Variants in CFAP221 observed in about 807,000 individuals in gnomAD.
CFAP221 encodes cilia and flagella associated protein 221, also known as cilia- and flagella-associated protein 221.
Under a neutral mutation model 113.1 loss-of-function variants are expected in CFAP221, and 97 were observed. The observed-to-expected ratio is 0.86, with a 90% confidence interval of 0.73 to 1.02. The LOEUF (loss-of-function observed/expected upper bound fraction) is 1.02. Among genes scored for constraint, CFAP221 ranks in the 50% least tolerant of loss-of-function variants. The pLI, the probability that CFAP221 is intolerant of heterozygous loss-of-function variation, is 0.00. For synonymous variants in CFAP221, 331 were observed against 354.4 expected, an observed-to-expected ratio of 0.93 and a Z score of 0.74; for missense variants, 1,025 against 1,013.4, an observed-to-expected ratio of 1.01 and a Z score of -0.16.
chr2:119,611,635 T>G lies in CFAP221; in HGVS notation c.1222-18T>G. The G allele has an allele frequency of 1.9e-6, 3 of 1,585,364 alleles. No homozygotes were observed. The highest frequency in any genetic ancestry group is 2.6e-6 in the Non-Finnish European group (3 of 1,165,826). ...CATTTATATTCAACTTAAATTATTT[T>G]GATGATTAAAAACCCAGCTAGACAG... is the stretch of plus-strand genomic sequence containing the variant. On this transcript the variant is annotated intron_variant, in intron 12 of 23. Coordinates refer to ENST00000413369, the MANE Select transcript of CFAP221 (RefSeq NM_001271049.2).
At chr2:119,587,316 A>T (rs1463111287) in intron 7 of CFAP221, 94 bp downstream of exon 7, 1 of 779,078 alleles carries the variant, frequency 1.3e-6, no homozygotes, top group African/African-American at 1.8e-5. Flanking sequence ...AATTTTACAC[A>T]TAACTGACCT....
At chr2:119,627,929 G>GA in intron 16 of CFAP221, 143 bp downstream of exon 16, 2 of 1,156,978 alleles carry the variant, frequency 1.7e-6, no homozygotes, top group South Asian at 3.3e-5. Flanking sequence ...ATTACCAGTG[G>GA]AAAACCAGGG....
At chr2:119,590,877 C>T (rs1683550423) in intron 7 of CFAP221, among the ~76,000 whole-genome samples, 1 of 152,186 alleles carries the variant, frequency 6.6e-6, no homozygotes. Context: ...CCAGCACAAA[C>T]TGTGCGGGGT....
At chr2:119,647,838 A>G (rs928649330) in intron 22 of CFAP221, among the ~76,000 whole-genome samples, 21 of 152,334 alleles carry the variant, frequency 1.4e-4, no homozygotes, top group African/African-American at 4.8e-4. Flanking sequence ...ATTAACCAAC[A>G]TAGCATAAGG....
At chr2:119,640,058 C>T (rs561107248) in intron 21 of CFAP221, among the ~76,000 whole-genome samples, 186 bp downstream of exon 21, 2 of 152,280 alleles carry the variant, frequency 1.3e-5, no homozygotes, top group South Asian at 4.1e-4. Flanking sequence ...TCTTGAGATA[C>T]ACTTCTTTGA....
intron 6 of CFAP221, among the ~76,000 whole-genome samples, chr2:119,562,854 T>G (rs941540569): frequency 6.6e-6 from 1 of 152,152 alleles, no homozygotes; most frequent in African/African-American, 2.4e-5. Flanking sequence ...TCTAATCCCT[T>G]ATGTCAAATG....
intron 6 of CFAP221, among the ~76,000 whole-genome samples, chr2:119,582,257 A>G (rs1409844656): frequency 6.6e-6 from 1 of 152,214 alleles, no homozygotes; most frequent in Non-Finnish European, 1.5e-5. Flanking sequence ...ATGTTGGTAA[A>G]TTTAACTAAT....
chr2:119,601,654 T>C lies in CFAP221; in HGVS notation c.791+277T>C, dbSNP rs868790255. 3.7e-5 allele frequency: 11 copies of C among 295,854 alleles called. No individual in the cohort carries two copies. The South Asian group carries it at 1.4e-3, about 38-fold the overall frequency. The allele number at this position is 295,854 out of a possible 1,614,324, so 18.3% of individuals were successfully genotyped here. ...ATCACTACTGGTGCACTGTTGGAAT[T>C]TTTTTACCATATGCATGTCTTATTG... On this transcript the variant is annotated intron_variant, in intron 8 of 23. Coordinates refer to ENST00000413369, the MANE Select transcript of CFAP221 (RefSeq NM_001271049.2).
At chr2:119,584,005 C>T (rs977338892) in intron 6 of CFAP221, among the ~76,000 whole-genome samples, 1 of 152,164 alleles carries the variant, frequency 6.6e-6, no homozygotes, top group African/African-American at 2.4e-5. Flanking sequence ...GCAACCCAAA[C>T]ATACCAAAAC....
At chr2:119,568,785 G>A (rs1415689646) in intron 6 of CFAP221, among the ~76,000 whole-genome samples, 1 of 152,086 alleles carries the variant, frequency 6.6e-6, no homozygotes, top group East Asian at 1.9e-4. Context: ...ATTGTGAATA[G>A]TGCTGCAACG....
intron 6 of CFAP221, among the ~76,000 whole-genome samples, chr2:119,585,529 C>G (rs373953298): frequency 1.3e-5 from 2 of 152,146 alleles, no homozygotes; most frequent in Non-Finnish European, 1.5e-5. Context: ...AAACATCATG[C>G]TGATATACCC....
intron 19 of CFAP221, among the ~76,000 whole-genome samples, chr2:119,637,459 T>A (rs1343532105): frequency 6.6e-6 from 1 of 152,146 alleles, no homozygotes; most frequent in Non-Finnish European, 1.5e-5. Flanking sequence ...ATAAGCTAAG[T>A]GGTTTTGTGG....
chr2:119,582,113 T>A (rs1682887154), intron 6 of CFAP221, among the ~76,000 whole-genome samples: 1 of 152,142 alleles, frequency 6.6e-6, no homozygotes, highest in Non-Finnish European at 1.5e-5. Flanking sequence ...ATAAGTTTAT[T>A]TACGTAAGAA....
At chr2:119,658,854 G>A (rs777836265), downstream of CFAP221, among the ~76,000 whole-genome samples, 2 of 151,968 alleles carry the variant, frequency 1.3e-5, no homozygotes, top group Non-Finnish European at 2.9e-5. Flanking sequence ...AGCCAGGCAT[G>A]GTGGCAAACA....
chr2:119,627,051 C>T (rs1686359900), intron 15 of CFAP221, among the ~76,000 whole-genome samples: 1 of 152,128 alleles, frequency 6.6e-6, no homozygotes, highest in African/African-American at 2.4e-5. Flanking sequence ...TCTCCCAATA[C>T]ATATATTCCC....
chr2:119,598,235 G>C (rs1684124889), intron 7 of CFAP221, among the ~76,000 whole-genome samples: 1 of 152,106 alleles, frequency 6.6e-6, no homozygotes, highest in African/African-American at 2.4e-5. Context: ...CCCATCCTGG[G>C]CCTCACTGCC....
At chr2:119,602,690 C>A (rs758035951) in intron 8 of CFAP221, 16 of 985,218 alleles carry the variant, frequency 1.6e-5, no homozygotes, top group Non-Finnish European at 1.9e-5. Context: ...TCATTGAAAT[C>A]ACTCGGGCAA....
chr2:119,620,642 C>A (rs1463374108), intron 14 of CFAP221, among the ~76,000 whole-genome samples: 1 of 152,088 alleles, frequency 6.6e-6, no homozygotes, highest in Non-Finnish European at 1.5e-5. Context: ...AAAAACATAC[C>A]AAATTGTAAA....
At chr2:119,623,619 A>G (rs1394959615) in intron 14 of CFAP221, among the ~76,000 whole-genome samples, 1 of 152,216 alleles carries the variant, frequency 6.6e-6, no homozygotes, top group East Asian at 1.9e-4. Context: ...TTCAAACTAT[A>G]CTACAAGGCT....
Sources: allele counts gnomAD v4.1 joint callset (sites outside exome capture counted in the v4.1 genomes callset), GRCh38; gene constraint gnomAD v4.1.1; transcripts MANE v1.5; gene names NCBI Gene and HGNC (gene_info 2026-07-23, HGNC 2026-07-21).